SIPA1L2: variants seen among roughly 807,000 people sequenced by gnomAD.
The protein encoded by SIPA1L2 is signal-induced proliferation-associated 1-like protein 2.
Under a neutral mutation model 163.9 loss-of-function variants are expected in SIPA1L2, and 56 were observed. The observed-to-expected ratio is 0.34, with a 90% CI of 0.28 to 0.43. The LOEUF (loss-of-function observed/expected upper bound fraction) is 0.43, where lower values mean the gene tolerates loss of function less well. SIPA1L2 is among the 20% of genes least tolerant of loss of function. SIPA1L2 has a pLI of 1.00. For missense variants in SIPA1L2, 1,974 were observed against 2,193.5 expected, an observed-to-expected ratio of 0.90 and a Z score of 2.00; for synonymous variants, 877 against 865.7, an observed-to-expected ratio of 1.01 and a Z score of -0.23.
chr1:232,563,956 C>T (rs1480539101), intron 2 of SIPA1L2, among the ~76,000 whole-genome samples: 1,593 of 72,124 alleles, frequency 0.022, 68 homozygotes, highest in African/African-American at 0.11. Flanking sequence ...TTTTTTTTTT[C>T]GTGTGTGTGT....
chr1:232,589,870 T>C (rs1188364730), intron 1 of SIPA1L2, among the ~76,000 whole-genome samples: 1 of 152,204 alleles, frequency 6.6e-6, no homozygotes, highest in Non-Finnish European at 1.5e-5. Flanking sequence ...AATCTCCTTA[T>C]CTATAGTAAG....
chr1:232,534,842 G>T (rs547756250), intron 2 of SIPA1L2, among the ~76,000 whole-genome samples: 1 of 152,204 alleles, frequency 6.6e-6, no homozygotes, highest in East Asian at 1.9e-4. Context: ...CTGCTCCCCT[G>T]ACACAGATCC....
chr1:232,579,995 T>C (rs1163353067), intron 1 of SIPA1L2, among the ~76,000 whole-genome samples: 1 of 152,176 alleles, frequency 6.6e-6, no homozygotes, highest in Non-Finnish European at 1.5e-5. Flanking sequence ...GCAAGTTTAT[T>C]AAGGAAGTAA....
chr1:232,454,562 A>G (rs941800476), intron 10 of SIPA1L2, among the ~76,000 whole-genome samples: 16 of 152,174 alleles, frequency 1.1e-4, no homozygotes, highest in Non-Finnish European at 2.4e-4. Flanking sequence ...TAGCTATCTG[A>G]CGCCTGATTT....
intron 10 of SIPA1L2, among the ~76,000 whole-genome samples, chr1:232,456,012 C>T (rs1236583114): frequency 1.3e-5 from 2 of 152,072 alleles, no homozygotes; most frequent in Admixed American, 6.6e-5. Context: ...ATGCTGATTG[C>T]CTGGGTGACA....
chr1:232,609,308 G>A (rs1451934650), intron 1 of SIPA1L2, among the ~76,000 whole-genome samples: 2 of 152,128 alleles, frequency 1.3e-5, no homozygotes, highest in African/African-American at 4.8e-5. Context: ...ACAGATCAAA[G>A]ATAAATTTTG....
intron 8 of SIPA1L2, among the ~76,000 whole-genome samples, chr1:232,469,246 T>A (rs945305041): frequency 6.6e-6 from 1 of 152,214 alleles, no homozygotes; most frequent in African/African-American, 2.4e-5. Flanking sequence ...TCACGGGAGC[T>A]TGCCACTCTG....
intron 1 of SIPA1L2, among the ~76,000 whole-genome samples, chr1:232,606,864 C>T (rs570037826): frequency 1.3e-5 from 2 of 151,902 alleles, no homozygotes; most frequent in Middle Eastern, 3.6e-3. Context: ...CAATAAAGAA[C>T]ATGTACCAAA....
At chr1:232,497,867 C>T (rs1419056443) in intron 3 of SIPA1L2, among the ~76,000 whole-genome samples, 3 of 152,174 alleles carry the variant, frequency 2.0e-5, no homozygotes, top group East Asian at 1.9e-4. Flanking sequence ...TTCTCCTTTA[C>T]ATTCCTCAGT....
intron 9 of SIPA1L2, chr1:232,462,173 C>T (rs78044234): frequency 0.11 from 159,520 of 1,492,284 alleles, 9,255 homozygotes; most frequent in Admixed American, 0.13. Flanking sequence ...ACCACTAATG[C>T]AGCCCTCAAA....
intron 10 of SIPA1L2, among the ~76,000 whole-genome samples, chr1:232,456,782 A>G (rs534659428): frequency 6.6e-6 from 1 of 152,286 alleles, no homozygotes; most frequent in Middle Eastern, 3.4e-3. Flanking sequence ...GCAACTCTTC[A>G]TCTTTGCCAC....
intron 2 of SIPA1L2, among the ~76,000 whole-genome samples, chr1:232,545,740 T>C (rs1253995880): frequency 1.3e-5 from 2 of 152,254 alleles, no homozygotes; most frequent in African/African-American, 2.4e-5. Context: ...ATAATTCTCT[T>C]AATGTTTGTA....
intron 8 of SIPA1L2, among the ~76,000 whole-genome samples, chr1:232,467,887 G>C (rs961995388): frequency 3.3e-5 from 5 of 152,226 alleles, no homozygotes; most frequent in African/African-American, 1.2e-4. Flanking sequence ...GTAAATAAGA[G>C]AGACATGGTG....
intron 1 of SIPA1L2, among the ~76,000 whole-genome samples, chr1:232,610,382 G>A (rs757567669): frequency 2.0e-5 from 3 of 152,182 alleles, no homozygotes; most frequent in African/African-American, 4.8e-5. Flanking sequence ...GCTGATGGAA[G>A]GCCATGGTGA....
Position 232,443,644 on chromosome 1 carries a change from G to A in SIPA1L2, c.3395C>T (p.Pro1132Leu). Residue 1132 changes from proline to leucine, a missense_variant, in exon 12 of 23, where the codon CCC becomes CTC. Pro to Leu is a moderately conservative substitution (Grantham distance 98). Around this residue, in one of 3 missense-constraint regions of SIPA1L2, gnomAD observed 1,079 missense variants for 1,150.7 expected, o/e 0.94. Coordinates refer to ENST00000674635, the MANE Select transcript of SIPA1L2 (RefSeq NM_020808.5). ...SNQSSSSDPG[P>L]GGSGPWRPQV... ...TGGTCTCCAGGGTCCGCTCCCGCCG[G>A]GTCCAGGGTCGCTGGAGGATGACTG... is the stretch of plus-strand genomic sequence containing the variant. 1.9e-6 allele frequency: 3 copies of A among 1,609,398 alleles called. No individual in the cohort carries two copies. The highest frequency in any genetic ancestry group is 2.5e-6 in the Non-Finnish European group (3 of 1,177,952).
intron 10 of SIPA1L2, among the ~76,000 whole-genome samples, chr1:232,457,805 C>T (rs1420409748): frequency 6.6e-6 from 1 of 152,130 alleles, no homozygotes; most frequent in Non-Finnish European, 1.5e-5. Flanking sequence ...CTGAAAATGA[C>T]ACTTCATACT....
chr1:232,496,694 G>A (rs1279820564), intron 3 of SIPA1L2, among the ~76,000 whole-genome samples: 4 of 152,160 alleles, frequency 2.6e-5, no homozygotes, highest in Non-Finnish European at 5.9e-5. Flanking sequence ...TAGATCCAAT[G>A]GAAAATGCAT....
At chr1:232,618,221 G>A (rs913769444) in intron 1 of SIPA1L2, among the ~76,000 whole-genome samples, 1 of 152,202 alleles carries the variant, frequency 6.6e-6, no homozygotes, top group African/African-American at 2.4e-5. Context: ...TAGTTCATGA[G>A]ACATAAGATA....
intron 2 of SIPA1L2, among the ~76,000 whole-genome samples, chr1:232,558,169 C>A (rs1290698256): frequency 6.6e-6 from 1 of 152,188 alleles, no homozygotes; most frequent in African/African-American, 2.4e-5. Flanking sequence ...ATTTACACTT[C>A]AAAGAGCAAG....
Sources: gnomAD v4.1 joint callset for allele counts (sites outside exome capture counted in the v4.1 genomes callset) on GRCh38, gnomAD v4.1.1 for gene constraint, gnomAD v4.1.1 regional missense constraint, MANE v1.5 for transcripts, NCBI Gene and HGNC (gene_info 2026-07-23, HGNC 2026-07-21) for gene names.